The following NRXN3 variants were observed in gnomAD, a reference collection of about 807,000 sequenced individuals.
NRXN3 encodes neurexin III.
In NRXN3, 32 loss-of-function variants were observed where a neutral mutation model predicts 137.6. The observed-to-expected ratio is 0.23, with a 90% CI of 0.18 to 0.31. The LOEUF (loss-of-function observed/expected upper bound fraction) is 0.31, where lower values mean the gene tolerates loss of function less well. Ranked by LOEUF, NRXN3 falls within the 10% of genes least tolerant of loss-of-function variation. The probability of loss-of-function intolerance (pLI) is 1.00; values close to 1 mark genes in which losing one functional copy is unlikely to be tolerated. For synonymous variants in NRXN3, 798 were observed against 784.5 expected (o/e 1.02, Z -0.29); for missense variants, 1,574 against 2,062.5 (o/e 0.76, Z 4.59).
chr14:78,975,859 A>C (rs2099463659), intron 14 of NRXN3, among the ~76,000 whole-genome samples: 1 of 152,180 alleles, frequency 6.6e-6, no homozygotes, highest in East Asian at 1.9e-4. Context: ...GATATCAAGA[A>C]AGAAGTTTAC....
At chr14:79,102,870 A>G (rs2051612439) in intron 15 of NRXN3, among the ~76,000 whole-genome samples, 1 of 152,146 alleles carries the variant, frequency 6.6e-6, no homozygotes, top group South Asian at 2.1e-4. Flanking sequence ...AAATGGTAGT[A>G]AGTGAGAAAA....
intron 15 of NRXN3, among the ~76,000 whole-genome samples, chr14:79,301,865 C>CT (rs1451011547): frequency 6.6e-6 from 1 of 151,800 alleles, no homozygotes; most frequent in African/African-American, 2.4e-5. Flanking sequence ...AATAGGGAAA[C>CT]TGAGATGTAT....
chr14:78,922,612 G>A (rs552586053), intron 10 of NRXN3, among the ~76,000 whole-genome samples: 6 of 152,154 alleles, frequency 3.9e-5, no homozygotes, highest in South Asian at 2.1e-4. Context: ...AAAACCAAAC[G>A]CCACATGTTC....
intron 15 of NRXN3, among the ~76,000 whole-genome samples, chr14:79,410,144 A>C (rs1438588805): frequency 1.3e-5 from 2 of 151,804 alleles, no homozygotes; most frequent in African/African-American, 2.4e-5. Context: ...ATCTGTCTGT[A>C]ATTTTCATGT....
At chr14:79,816,287 A>T (rs1386198562) in intron 20 of NRXN3, among the ~76,000 whole-genome samples, 1 of 152,198 alleles carries the variant, frequency 6.6e-6, no homozygotes, top group Non-Finnish European at 1.5e-5. Context: ...AACACTTCTC[A>T]AAGTACTAAG....
At position 78,204,298 on chromosome 14, in the gene NRXN3, A is replaced by G. The variant is rs1448154854; in HGVS notation, c.-704+33624A>G. Among the ~76,000 whole-genome samples the G allele has an allele frequency of 9.9e-5, 15 of 152,190 alleles. No homozygotes were observed. In the East Asian group the frequency reaches 2.5e-3, roughly 25 times the overall value. On this transcript the variant is annotated intron_variant, in intron 1 of 20. Transcript: ENST00000335750. Reference sequence around the variant, plus strand: ...ACCTTGGCCAGTTCTAAGAAAGAGCACGAGCATGTATGAATGGGTTCTTCA... The same window carrying G: ...ACCTTGGCCAGTTCTAAGAAAGAGCGCGAGCATGTATGAATGGGTTCTTCA...
intron 8 of NRXN3, among the ~76,000 whole-genome samples, chr14:78,738,224 A>T (rs1026919412): frequency 1.3e-5 from 2 of 152,202 alleles, no homozygotes; most frequent in Non-Finnish European, 2.9e-5. Context: ...TGTGCCATAC[A>T]TTGTGCTAAG....
In NRXN3 at chr14:78,431,943, T is replaced by C. The variant is rs944094731; in HGVS notation, c.757+134083T>C. ...GTCAGTAAGCCAGTAAAAGGCAGAG[T>C]TGGGATTTGAACCCAAGGCTACACT... On this transcript the variant is annotated intron_variant, in intron 4 of 20. Coordinates refer to ENST00000335750, the MANE Select transcript of NRXN3 (RefSeq NM_001330195.2). Among the ~76,000 whole-genome samples the C allele has an allele frequency of 4.6e-5, 7 of 151,350 alleles. No homozygotes were observed. In the South Asian group the frequency reaches 1.5e-3, roughly 32 times the overall value.
intron 15 of NRXN3, among the ~76,000 whole-genome samples, chr14:79,427,449 C>A (rs1442467470): frequency 1.3e-5 from 2 of 152,116 alleles, no homozygotes; most frequent in Non-Finnish European, 1.5e-5. Flanking sequence ...CACAAACACA[C>A]ACACACACAA....
At chr14:79,819,482 CTTTTTTTT>C (rs58492725) in intron 20 of NRXN3, among the ~76,000 whole-genome samples, 1 of 71,908 alleles carries the variant, frequency 1.4e-5, no homozygotes, top group Non-Finnish European at 2.4e-5. Flanking sequence ...ACATTAAAAG[CTTTTTTTT>C]TTTTTTTTTT....
chr14:79,631,155 G>A (rs1159306715), intron 16 of NRXN3, among the ~76,000 whole-genome samples: 1 of 152,222 alleles, frequency 6.6e-6, no homozygotes, highest in South Asian at 2.1e-4. Context: ...CTAAGACAAG[G>A]TCCTTGTCCT....
At chr14:79,287,555 A>G (rs78655284) in intron 15 of NRXN3, among the ~76,000 whole-genome samples, 2,102 of 152,266 alleles carry the variant, frequency 0.014, 35 homozygotes, top group South Asian at 0.081. Flanking sequence ...AACTACCTTC[A>G]GATGTGGAAG....
chr14:79,181,612 C>T (rs941706123), intron 15 of NRXN3, among the ~76,000 whole-genome samples: 15 of 144,696 alleles, frequency 1.0e-4, no homozygotes, highest in African/African-American at 3.4e-4. Flanking sequence ...ACCCAGGAGG[C>T]GGAGGATGCA....
intron 15 of NRXN3, among the ~76,000 whole-genome samples, chr14:79,170,350 G>T (rs986465207): frequency 2.0e-5 from 3 of 152,066 alleles, no homozygotes; most frequent in African/African-American, 4.8e-5. Context: ...GGAGATTAAA[G>T]TTGGTCTTCT....
Position 78,711,598 on chromosome 14 carries a change from G to A in NRXN3, c.1660+1943G>A, listed in dbSNP as rs544070086. Reference sequence around the variant, plus strand: ...TGGGATTACAGGCACCCTCCACCAAGCCCAGCTAATTTTTGTCTATTTAGT... The same window carrying A: ...TGGGATTACAGGCACCCTCCACCAAACCCAGCTAATTTTTGTCTATTTAGT... On this transcript the variant is annotated intron_variant, in intron 7 of 20. Coordinates refer to ENST00000335750, the MANE Select transcript of NRXN3 (RefSeq NM_001330195.2). Among the ~76,000 whole-genome samples, 489 of 151,898 alleles carry A rather than the reference G, an allele frequency of 3.2e-3. 2 individuals are homozygous for A. Among genetic ancestry groups the A allele is most frequent in the African/African-American group, 0.011 (474 of 41,382 alleles).
At chr14:79,414,119 G>T (rs1002977794) in intron 15 of NRXN3, among the ~76,000 whole-genome samples, 1 of 152,062 alleles carries the variant, frequency 6.6e-6, no homozygotes, top group Non-Finnish European at 1.5e-5. Flanking sequence ...GGGGGAGTGG[G>T]GGCGGCAGGG....
intron 15 of NRXN3, among the ~76,000 whole-genome samples, chr14:79,417,943 A>G (rs563844801): frequency 6.6e-6 from 1 of 150,634 alleles, no homozygotes; most frequent in East Asian, 1.9e-4. Flanking sequence ...AGCACTCAAC[A>G]GAAGCGTAGA....
intron 16 of NRXN3, among the ~76,000 whole-genome samples, chr14:79,533,887 G>T (rs544308949): frequency 1.3e-5 from 2 of 152,116 alleles, no homozygotes; most frequent in African/African-American, 4.8e-5. Flanking sequence ...AAGTAAAAAC[G>T]CTCAGCTTAC....
At position 79,648,142 on chromosome 14, in the gene NRXN3, A is replaced by G. The variant is rs138855208; in HGVS notation, c.3445-15636A>G. Among the ~76,000 whole-genome samples, 472 of 135,064 alleles carry G rather than the reference A, an allele frequency of 3.5e-3. 41 individuals carry two copies. Among genetic ancestry groups the G allele is most frequent in the African/African-American group, 0.01 (425 of 40,804 alleles). The allele number at this position is 135,064 out of a possible 152,430, so 88.6% of individuals were successfully genotyped here. A position where few individuals can be genotyped will look rare whatever the true frequency, so the allele number is the denominator to read the frequency against. ...GAGGTTCAGAGAGGTTGCTACTTAT[A>G]TGGTAGCAAAAGTATTTCCCTTCCC... On this transcript the variant is annotated intron_variant, in intron 16 of 20. Coordinates refer to ENST00000335750, the MANE Select transcript of NRXN3 (RefSeq NM_001330195.2).
Sources: allele counts gnomAD v4.1 joint callset (sites outside exome capture counted in the v4.1 genomes callset), GRCh38; gene constraint gnomAD v4.1.1; transcripts MANE v1.5; gene names NCBI Gene and HGNC (gene_info 2026-07-23, HGNC 2026-07-21).